Variants in DBNL observed in about 807,000 individuals in gnomAD.
DBNL encodes the protein drebrin-like protein.
DBNL carries 35 observed loss-of-function variants against 62.2 expected under a neutral mutation model. The observed-to-expected ratio is 0.56, with a 90% CI of 0.43 to 0.75. DBNL has a LOEUF of 0.75. DBNL is among the 30% of genes least tolerant of loss of function. The probability of loss-of-function intolerance (pLI) is 0.00; values close to 1 mark genes in which losing one functional copy is unlikely to be tolerated. For missense variants in DBNL, 495 were observed against 578.4 expected (o/e 0.86, Z 1.48); for synonymous variants, 197 against 218.0 (o/e 0.90, Z 0.85).
At chr7:44,052,034 C>G in intron 3 of DBNL, 92 bp downstream of exon 3, 1 of 1,084,920 alleles carries the variant, frequency 9.2e-7, no homozygotes, top group Non-Finnish European at 1.4e-6. Context: ...AAGTGTTTTA[C>G]TGGCATGACT....
intron 4 of DBNL, among the ~76,000 whole-genome samples, chr7:44,055,383 C>G (rs1264631978): frequency 6.6e-6 from 1 of 152,168 alleles, no homozygotes; most frequent in Non-Finnish European, 1.5e-5. Context: ...CAGAGAATCT[C>G]TTGAACCTGG....
In DBNL at chr7:44,062,915, G is replaced by C. The variant is rs747760221; in HGVS notation, c.*1999G>C. On this transcript the variant is annotated 3_prime_UTR_variant, in exon 13 of 13. Coordinates refer to ENST00000448521, the MANE Select transcript of DBNL (RefSeq NM_001014436.3). ...CGTGGGCAGGTTCAGCTCCATGATC[G>C]CCTGGTCTGACATCCCTATGCCGGA... 3 of 1,614,126 alleles carry C rather than the reference G, an allele frequency of 1.9e-6. No homozygotes were observed. Among genetic ancestry groups the C allele is most frequent in the Non-Finnish European group, 8.5e-7 (1 of 1,180,008 alleles).
intron 1 of DBNL, among the ~76,000 whole-genome samples, chr7:44,045,596 C>T (rs1190458514): frequency 6.6e-6 from 1 of 152,218 alleles, no homozygotes; most frequent in Admixed American, 6.5e-5. Context: ...AGGTGACCAA[C>T]TTTGGGGAAT....
At chr7:44,050,519 G>A in intron 2 of DBNL, 1 of 418,392 alleles carries the variant, frequency 2.4e-6, no homozygotes. Context: ...AGCTGAGAGG[G>A]AAACAGGCCT....
intron 1 of DBNL, among the ~76,000 whole-genome samples, chr7:44,046,134 C>T (rs116334580): frequency 0.011 from 1,648 of 152,286 alleles, 41 homozygotes; most frequent in African/African-American, 0.038. Context: ...TACTTCAAAC[C>T]CAGTCAAAAG....
intron 1 of DBNL, among the ~76,000 whole-genome samples, chr7:44,045,456 T>C (rs1664699554): frequency 6.6e-6 from 1 of 152,260 alleles, no homozygotes. Flanking sequence ...GCTCGCTATC[T>C]ATTTGGGAAA....
In DBNL at chr7:44,067,139, A is replaced by C. The variant is rs1289722916; in HGVS notation, c.*6223A>C. 1 of 152,384 alleles carries C rather than the reference A, an allele frequency of 6.6e-6. No homozygotes were observed. The highest frequency in any genetic ancestry group is 6.5e-5 in the Admixed American group (1 of 15,278). The allele number at this position is 152,384 out of a possible 1,614,324, so 9.4% of individuals were successfully genotyped here. A position where few individuals can be genotyped will look rare whatever the true frequency, so the allele number is the denominator to read the frequency against. On this transcript the variant is annotated 3_prime_UTR_variant, in exon 13 of 13. Transcript: ENST00000448521. ...GGTGACATGTGAGTGGAAAGAGCGG[A>C]GTGCAAAGGCCTCAGCTATGATGAG...
At position 44,058,486 on chromosome 7, in the gene DBNL, A is replaced by G. The variant is rs1469602268; in HGVS notation, c.753+6A>G. ...CAAGGAACCGAAATGAGCAGGTAAG[A>G]TGGGGGTGCTCTACTTGTTTGGACC... On this transcript the variant is annotated splice_donor_region_variant and intron_variant, in intron 8 of 12. Coordinates refer to ENST00000448521, the MANE Select transcript of DBNL (RefSeq NM_001014436.3). 1.2e-6 allele frequency: 2 copies of G among 1,614,052 alleles called. No homozygotes were observed. Among genetic ancestry groups the G allele is most frequent in the East Asian group, 4.5e-5 (2 of 44,860 alleles).
rs2096151401 is a variant in DBNL, at chr7:44,062,695, C to T, written c.*1779C>T. On this transcript the variant is annotated 3_prime_UTR_variant, in exon 13 of 13. Coordinates refer to ENST00000448521, the MANE Select transcript of DBNL (RefSeq NM_001014436.3). ...TCCCCACAGCTGATGGCGGTGTGAGCCTGGCATGCACGGCTGCGCTGGACT... is the reference window on the plus strand; with the variant it reads ...TCCCCACAGCTGATGGCGGTGTGAGTCTGGCATGCACGGCTGCGCTGGACT... 3 of 1,541,900 alleles carry T rather than the reference C, an allele frequency of 1.9e-6. No homozygotes were observed. In the Admixed American group the frequency reaches 5.2e-5, roughly 27 times the overall value.
intron 1 of DBNL, among the ~76,000 whole-genome samples, chr7:44,045,132 C>T (rs2096114661): frequency 6.6e-6 from 1 of 152,222 alleles, no homozygotes; most frequent in Admixed American, 6.5e-5. Flanking sequence ...TCGGCCTGGT[C>T]GTGCTTGCTA....
intron 8 of DBNL, 195 bp from the exon 9 acceptor site, chr7:44,058,707 G>T: frequency 1.2e-6 from 1 of 817,470 alleles, no homozygotes; most frequent in African/African-American, 1.7e-5. Context: ...GGAGCCCCTT[G>T]GCTTCTGTGT....
chr7:44,047,721 G>C (rs2096119855), intron 1 of DBNL, among the ~76,000 whole-genome samples: 1 of 152,080 alleles, frequency 6.6e-6, no homozygotes, highest in African/African-American at 2.4e-5. Flanking sequence ...CTGTTCAGAG[G>C]CCAGTGCACC....
At position 44,062,693 on chromosome 7, in the gene DBNL, A is replaced by G. The variant is rs2096151390; in HGVS notation, c.*1777A>G. 2 of 1,533,280 alleles carry G rather than the reference A, an allele frequency of 1.3e-6. No individual in the cohort carries two copies. The highest frequency in any genetic ancestry group is 1.7e-5 in the Admixed American group (1 of 57,744). The allele number at this position is 1,533,280 out of a possible 1,614,324, so 95.0% of individuals were successfully genotyped here. Reference sequence around the variant, plus strand: ...AGTCCCCACAGCTGATGGCGGTGTGAGCCTGGCATGCACGGCTGCGCTGGA... The same window carrying G: ...AGTCCCCACAGCTGATGGCGGTGTGGGCCTGGCATGCACGGCTGCGCTGGA... On this transcript the variant is annotated 3_prime_UTR_variant, in exon 13 of 13. Transcript: ENST00000448521.
intron 1 of DBNL, 42 bp downstream of exon 1, chr7:44,044,862 C>A: frequency 7.2e-7 from 1 of 1,387,130 alleles, no homozygotes; most frequent in Non-Finnish European, 9.4e-7. Flanking sequence ...GGGGCTGCCT[C>A]AGGGGTGGGT....
At chr7:44,053,542 A>G (rs546828299) in intron 4 of DBNL, among the ~76,000 whole-genome samples, 14 of 152,312 alleles carry the variant, frequency 9.2e-5, no homozygotes, top group Admixed American at 2.0e-4. Flanking sequence ...TGATAAGAGA[A>G]TTCCCAGCTT....
At chr7:44,054,949 C>T (rs143598065) in intron 4 of DBNL, among the ~76,000 whole-genome samples, 2 of 152,330 alleles carry the variant, frequency 1.3e-5, no homozygotes, top group African/African-American at 2.4e-5. Context: ...CATGTTGCTG[C>T]AAATGACAGG....
At chr7:44,055,592 A>G (rs2096134796) in intron 4 of DBNL, among the ~76,000 whole-genome samples, 1 of 152,186 alleles carries the variant, frequency 6.6e-6, no homozygotes, top group South Asian at 2.1e-4. Context: ...GTTTTTTATA[A>G]TAGCCATTCT....
rs1269092690 is a variant in DBNL at position 44,066,207 on chromosome 7, T to TC, written c.*5294dup. 1 of 159,556 alleles carries TC rather than the reference T, an allele frequency of 6.3e-6. No individual in the cohort carries two copies. The highest frequency in any genetic ancestry group is 2.4e-5 in the African/African-American group (1 of 41,468). 9.9% of individuals were successfully genotyped at this position (159,556 alleles called of 1,614,324 possible). On this transcript the variant is annotated 3_prime_UTR_variant, in exon 13 of 13. Transcript: ENST00000448521. ...GGTCTCATCCATACATGCCCCATGC[T>TC]CCCACCCTATCTGCCCTCACCCAAG...
Position 44,064,607 on chromosome 7 carries a change from G to A in DBNL, c.*3691G>A, listed in dbSNP as rs563516582. 3.6e-5 allele frequency: 21 copies of A among 577,746 alleles called. No individual in the cohort carries two copies. Among genetic ancestry groups the A allele is most frequent in the South Asian group, 1.6e-4 (8 of 50,336 alleles). The allele number at this position is 577,746 out of a possible 1,614,324, so 35.8% of individuals were successfully genotyped here. A position where few individuals can be genotyped will look rare whatever the true frequency, so the allele number is the denominator to read the frequency against. On this transcript the variant is annotated 3_prime_UTR_variant, in exon 13 of 13. Coordinates refer to ENST00000448521, the MANE Select transcript of DBNL (RefSeq NM_001014436.3). ...AGCCTGCCCCACCTCGGGACACAGC[G>A]AGCTTCGAGTGCAGTCAGCCCCTGT...
Sources: allele counts gnomAD v4.1 joint callset (sites outside exome capture counted in the v4.1 genomes callset), GRCh38; gene constraint gnomAD v4.1.1; transcripts MANE v1.5; gene names NCBI Gene and HGNC (gene_info 2026-07-23, HGNC 2026-07-21).